Variants in SUMO2 observed in about 807,000 individuals in gnomAD.
SUMO2 encodes small ubiquitin-related modifier 2.
SUMO2 carries 1 observed loss-of-function variant against 16.0 expected under a neutral mutation model. The observed-to-expected ratio is 0.06, with a 90% confidence interval of 0.02 to 0.30. SUMO2 has a LOEUF of 0.30. Among genes scored for constraint, SUMO2 ranks in the 10% least tolerant of loss-of-function variants. SUMO2 has a pLI of 1.00. For synonymous variants in SUMO2, 36 were observed against 40.6 expected (o/e 0.89, Z 0.43); for missense variants, 16 against 117.5 (o/e 0.14, Z 3.99).
intron 3 of SUMO2, 34 bp downstream of exon 3, chr17:75,174,717 AT>A: frequency 6.3e-7 from 1 of 1,584,310 alleles, no homozygotes; most frequent in Non-Finnish European, 8.6e-7. Context: ...AGAATTACAA[AT>A]GGTAATTTTT....
At chr17:75,170,301 G>A (rs562740763) in intron 3 of SUMO2, among the ~76,000 whole-genome samples, 15 of 152,294 alleles carry the variant, frequency 9.8e-5, no homozygotes, top group South Asian at 8.3e-4. Context: ...GCTGGGCGCC[G>A]GGGCTCACGC....
intron 1 of SUMO2, among the ~76,000 whole-genome samples, 163 bp from the exon 2 acceptor site, chr17:75,181,351 G>GA (rs2074827183): frequency 6.6e-6 from 1 of 152,190 alleles, no homozygotes; most frequent in East Asian, 1.9e-4. Context: ...TGTGAAAGCG[G>GA]AAAAATCCTG....
intron 2 of SUMO2, among the ~76,000 whole-genome samples, chr17:75,180,044 A>C (rs943388863): frequency 5.9e-5 from 9 of 152,160 alleles, no homozygotes; most frequent in African/African-American, 2.2e-4. Context: ...GAGCCTATTT[A>C]GAACAATCTG....
intron 3 of SUMO2, among the ~76,000 whole-genome samples, chr17:75,169,250 A>G (rs1023007865): frequency 6.6e-6 from 1 of 152,006 alleles, no homozygotes; most frequent in African/African-American, 2.4e-5. Context: ...AGAGAAAAAA[A>G]GGCTAGGGCC....
intron 2 of SUMO2, 138 bp from the exon 3 acceptor site, chr17:75,174,961 T>G: frequency 9.8e-6 from 7 of 716,806 alleles, no homozygotes; most frequent in African/African-American, 1.8e-5. Context: ...ACATACCCTA[T>G]AGGTAAAAAG....
chr17:75,171,026 G>C (rs182212328), intron 3 of SUMO2, among the ~76,000 whole-genome samples: 5 of 151,612 alleles, frequency 3.3e-5, no homozygotes, highest in African/African-American at 1.2e-4. Context: ...AGCCAACTCG[G>C]TGCACTGACT....
chr17:75,181,459 T>C (rs755204763), intron 1 of SUMO2, among the ~76,000 whole-genome samples: 6 of 152,196 alleles, frequency 3.9e-5, no homozygotes, highest in Non-Finnish European at 7.3e-5. Context: ...TTCAGTGTAT[T>C]GCAACGTTCT....
At chr17:75,180,762 A>G (rs2074822932) in intron 2 of SUMO2, among the ~76,000 whole-genome samples, 1 of 151,958 alleles carries the variant, frequency 6.6e-6, no homozygotes, top group Non-Finnish European at 1.5e-5. Flanking sequence ...TACCAAGTTC[A>G]CTCTTATTTT....
intron 2 of SUMO2, 145 bp from the exon 3 acceptor site, chr17:75,174,968 A>G (rs1467147075): frequency 5.5e-6 from 4 of 725,768 alleles, no homozygotes; most frequent in East Asian, 2.8e-5. Flanking sequence ...CTATAGGTAA[A>G]AAGATTTGGG....
At chr17:75,171,563 A>G (rs1568045833) in intron 3 of SUMO2, among the ~76,000 whole-genome samples, 1 of 152,068 alleles carries the variant, frequency 6.6e-6, no homozygotes, top group Non-Finnish European at 1.5e-5. Context: ...GCCTGCTAAG[A>G]TGTTTTAATT....
chr17:75,172,113 C>G (rs144972649), intron 3 of SUMO2, among the ~76,000 whole-genome samples: 1 of 151,512 alleles, frequency 6.6e-6, no homozygotes, highest in Non-Finnish European at 1.5e-5. Context: ...ACACCTTTCC[C>G]CCGCCCAGAT....
At chr17:75,180,713 AAAAAT>A (rs750636227) in intron 2 of SUMO2, among the ~76,000 whole-genome samples, 3 of 152,118 alleles carry the variant, frequency 2.0e-5, no homozygotes, top group Non-Finnish European at 2.9e-5. Context: ...TCCATCTCAA[AAAAAT>A]AAAATAAAAT....
intron 3 of SUMO2, among the ~76,000 whole-genome samples, chr17:75,173,476 C>CGTT (rs745734014): frequency 7.1e-6 from 1 of 141,110 alleles, no homozygotes; most frequent in Non-Finnish European, 1.6e-5. Flanking sequence ...GACTGGAAGT[C>CGTT]ATTTTTTTTT....
rs1289954701 is a variant in SUMO2, at chr17:75,180,417, A to AAC, written c.153+639_153+640insGT. On this transcript the variant is annotated intron_variant, in intron 2 of 3. Transcript: ENST00000420826. ...TAAAAAAAAAAAAAAAAAAAAAAAA[A>AAC]AAAACGACTTCTTGGTTTGGCGCGG... is the stretch of plus-strand genomic sequence containing the variant. Among the ~76,000 whole-genome samples, 58 of 143,314 alleles carry AAC rather than the reference A, an allele frequency of 4.0e-4. 3 individuals carry two copies. In the South Asian group the frequency reaches 8.5e-3, roughly 21 times the overall value. 94.0% of individuals were successfully genotyped at this position (143,314 alleles called of 152,430 possible).
intron 2 of SUMO2, among the ~76,000 whole-genome samples, chr17:75,177,981 T>TC (rs1463997920): frequency 1.3e-5 from 1 of 79,394 alleles, no homozygotes; most frequent in East Asian, 4.3e-4. Flanking sequence ...AAAGCGAGAC[T>TC]CCGTCTCAAA....
intron 2 of SUMO2, among the ~76,000 whole-genome samples, chr17:75,180,329 T>C (rs914836196): frequency 5.7e-5 from 5 of 87,554 alleles, no homozygotes; most frequent in Non-Finnish European, 8.7e-5. Flanking sequence ...AAAACAAAAA[T>C]AAAACACAAT....
chr17:75,168,181 T>C lies in SUMO2; in HGVS notation c.*158A>G, dbSNP rs2074708060. ...TTGTGCACATATACCAGTTACTTTA[T>C]GTACAATAAAGGAATGGGGAAGGGG... On this transcript the variant is annotated 3_prime_UTR_variant, in exon 4 of 4. Coordinates refer to ENST00000420826, the MANE Select transcript of SUMO2 (RefSeq NM_006937.4). The C allele has an allele frequency of 8.5e-6, 5 of 587,568 alleles. No homozygotes were observed. The highest frequency in any genetic ancestry group is 4.9e-4 in the Middle Eastern group (1 of 2,056). The allele number at this position is 587,568 out of a possible 1,614,324, so 36.4% of individuals were successfully genotyped here.
chr17:75,173,509 T>C (rs1474599523), intron 3 of SUMO2, among the ~76,000 whole-genome samples: 2 of 150,866 alleles, frequency 1.3e-5, no homozygotes, highest in African/African-American at 2.4e-5. Flanking sequence ...GGGCCTCACT[T>C]TGTCACCCAG....
chr17:75,171,593 A>T (rs988546513), intron 3 of SUMO2, among the ~76,000 whole-genome samples: 4 of 152,136 alleles, frequency 2.6e-5, no homozygotes, highest in Non-Finnish European at 4.4e-5. Context: ...CCTGCTATCT[A>T]ACAAATATTG....
Sources: allele counts gnomAD v4.1 joint callset (sites outside exome capture counted in the v4.1 genomes callset), GRCh38; gene constraint gnomAD v4.1.1; transcripts MANE v1.5; gene names NCBI Gene and HGNC (gene_info 2026-07-23, HGNC 2026-07-21).